The following DLGAP2 variants were observed in gnomAD, a reference collection of about 807,000 sequenced individuals.
The protein encoded by DLGAP2 is disks large-associated protein 2.
Under a neutral mutation model 100.3 loss-of-function variants are expected in DLGAP2, and 26 were observed. That is an observed-to-expected ratio of 0.26 (90% CI 0.19 to 0.36). The LOEUF is 0.36. DLGAP2 is among the 10% of genes least tolerant of loss of function. The pLI is 1.00. For synonymous variants in DLGAP2, 886 were observed against 630.1 expected, an observed-to-expected ratio of 1.41 and a Z score of -6.08; for missense variants, 1,858 against 1,453.2, an observed-to-expected ratio of 1.28 and a Z score of -4.53.
At chr8:1,645,431 G>T (rs554300530) in intron 8 of DLGAP2, among the ~76,000 whole-genome samples, 1 of 152,214 alleles carries the variant, frequency 6.6e-6, no homozygotes, top group Non-Finnish European at 1.5e-5. Context: ...GCTAAGTTAC[G>T]ATGTTTGGTG....
At position 1,147,871 on chromosome 8, in the gene DLGAP2, T is replaced by C. The variant is rs1424735604; in HGVS notation, c.74-110980T>C. Among the ~76,000 whole-genome samples the C allele has an allele frequency of 2.0e-5, 3 of 152,358 alleles. No homozygotes were observed. The South Asian group carries it at 6.2e-4, about 32-fold the overall frequency. Reference sequence around the variant, plus strand: ...CAATAATTTTATAATTTAAAAATTGTTTTAACATGTAATATTTGCTAATGT... The same window carrying C: ...CAATAATTTTATAATTTAAAAATTGCTTTAACATGTAATATTTGCTAATGT... On this transcript the variant is annotated intron_variant, in intron 2 of 14. Coordinates refer to ENST00000637795, the MANE Select transcript of DLGAP2 (RefSeq NM_001346810.2).
chr8:965,818 G>A (rs534775396), intron 2 of DLGAP2, among the ~76,000 whole-genome samples: 17 of 146,364 alleles, frequency 1.2e-4, no homozygotes, highest in East Asian at 1.0e-3. Context: ...TGACCCCTGC[G>A]CTGTACACGG....
intron 6 of DLGAP2, among the ~76,000 whole-genome samples, chr8:1,571,724 C>T (rs1196119168): frequency 1.5e-3 from 96 of 62,332 alleles, no homozygotes; most frequent in East Asian, 4.1e-3. Context: ...ACTGTGGGGG[C>T]GTCTGATGAG....
In DLGAP2 at chr8:825,842, A is replaced by T. The variant is rs145722806; in HGVS notation, c.19-82070A>T. On this transcript the variant is annotated intron_variant, in intron 1 of 14. Coordinates refer to ENST00000637795, the MANE Select transcript of DLGAP2 (RefSeq NM_001346810.2). The stretch of plus-strand genomic sequence containing the variant: ...CAAGCACTTATCTTTACTTTGTGTT[A>T]TACACAATCAATTATACTCTTTTAG... Among the ~76,000 whole-genome samples, 532 of 152,342 alleles carry T rather than the reference A, an allele frequency of 3.5e-3. 3 individuals are homozygous for T. In the East Asian group the frequency reaches 0.039, roughly 11 times the overall value.
intron 1 of DLGAP2, among the ~76,000 whole-genome samples, chr8:877,898 C>G (rs1018524110): frequency 2.0e-5 from 3 of 152,204 alleles, no homozygotes; most frequent in Admixed American, 6.5e-5. Flanking sequence ...GAAGACATCC[C>G]AAGTGGAGTC....
chr8:1,190,903 TATGCACCATGCTTCTCCTATGGAA>T (rs1332886920), intron 2 of DLGAP2, among the ~76,000 whole-genome samples: 2 of 152,056 alleles, frequency 1.3e-5, no homozygotes, highest in Non-Finnish European at 2.9e-5. Context: ...GGGGCGTGTT[TATGCACCATGCTTCTCCTATGGAA>T]GCCGTCCCAT....
At chr8:819,022 T>A (rs1418671368) in intron 1 of DLGAP2, among the ~76,000 whole-genome samples, 1 of 152,248 alleles carries the variant, frequency 6.6e-6, no homozygotes, top group Non-Finnish European at 1.5e-5. Context: ...TTTTAGGAAA[T>A]GATCATTTTA....
chr8:764,136 A>G (rs1173748021), intron 1 of DLGAP2, among the ~76,000 whole-genome samples: 1 of 152,150 alleles, frequency 6.6e-6, no homozygotes, highest in Non-Finnish European at 1.5e-5. Context: ...TGAAGGCATG[A>G]CATGCTGTCT....
chr8:1,548,872 C>A lies in DLGAP2; in HGVS notation c.419C>A (p.Ser140Ter). Residue 140 changes from serine (S) to a stop codon, truncating the protein, a stop_gained, in exon 5 of 15, where the codon TCG becomes TAG. Coordinates refer to ENST00000637795, the MANE Select transcript of DLGAP2 (RefSeq NM_001346810.2). LOFTEE classifies it high-confidence loss of function. ...CGCCACCGCTGCTCGCCGCGCAGCT[C>A]GGTGCACTCGGAGTGCGTGATGATG... Reference protein sequence around the residue: ...GGRHRCSPRSSVHSECVMMPV... With the variant: ...GGRHRCSPRS 6.3e-7 allele frequency: 1 copy of A among 1,592,382 alleles called. No homozygotes were observed. The highest frequency in any genetic ancestry group is 8.5e-7 in the Non-Finnish European group (1 of 1,175,420).
chr8:1,366,691 A>G (rs1450609484), intron 3 of DLGAP2, among the ~76,000 whole-genome samples: 1 of 152,114 alleles, frequency 6.6e-6, no homozygotes, highest in East Asian at 1.9e-4. Flanking sequence ...ACAGGAGGTG[A>G]GCTGGGAAGT....
chr8:1,180,367 T>G (rs186600876), intron 2 of DLGAP2, among the ~76,000 whole-genome samples: 15 of 152,328 alleles, frequency 9.8e-5, no homozygotes, highest in African/African-American at 3.6e-4. Context: ...CTGATTTCTT[T>G]GATTCATTTA....
At chr8:1,695,402 G>A (rs577498039) in intron 13 of DLGAP2, among the ~76,000 whole-genome samples, 7 of 142,452 alleles carry the variant, frequency 4.9e-5, no homozygotes, top group East Asian at 4.0e-4. Flanking sequence ...AGCCTTACCC[G>A]GCCCTACAGA....
chr8:1,494,873 C>T (rs576762030), intron 3 of DLGAP2, among the ~76,000 whole-genome samples: 7 of 152,200 alleles, frequency 4.6e-5, no homozygotes, highest in African/African-American at 1.4e-4. Flanking sequence ...TCTGTGGCGG[C>T]AGAGAACAAA....
intron 4 of DLGAP2, among the ~76,000 whole-genome samples, chr8:1,523,081 C>T (rs1054733961): frequency 2.8e-4 from 42 of 152,184 alleles, no homozygotes; most frequent in African/African-American, 9.4e-4. Context: ...AACCTGCAGA[C>T]GGCACTGCCC....
intron 2 of DLGAP2, among the ~76,000 whole-genome samples, chr8:974,113 G>C (rs963092411): frequency 6.6e-6 from 1 of 152,172 alleles, no homozygotes. Flanking sequence ...TGTAGTAAAA[G>C]TTGATGAGAA....
At chr8:1,264,081 C>G (rs1585205351) in intron 3 of DLGAP2, among the ~76,000 whole-genome samples, 1 of 152,188 alleles carries the variant, frequency 6.6e-6, no homozygotes. Context: ...GAGTTGACCC[C>G]TGTCCCATGC....
chr8:1,127,151 C>T (rs1020488411), intron 2 of DLGAP2, among the ~76,000 whole-genome samples: 3 of 150,086 alleles, frequency 2.0e-5, no homozygotes, highest in Non-Finnish European at 1.5e-5. Context: ...TGAGGGACCC[C>T]ACCCTGTCCC....
intron 2 of DLGAP2, among the ~76,000 whole-genome samples, chr8:1,081,572 A>G (rs1167653216): frequency 1.3e-5 from 2 of 152,152 alleles, no homozygotes; most frequent in Admixed American, 6.6e-5. Context: ...GCTGGTCTTG[A>G]AACCCTGTCC....
chr8:1,078,290 T>C (rs1401705183), intron 2 of DLGAP2, among the ~76,000 whole-genome samples: 3 of 152,210 alleles, frequency 2.0e-5, no homozygotes, highest in Non-Finnish European at 4.4e-5. Context: ...CACAGAAGCA[T>C]TGAGCTGAAA....
Sources: allele counts gnomAD v4.1 joint callset (sites outside exome capture counted in the v4.1 genomes callset), GRCh38; gene constraint gnomAD v4.1.1; transcripts MANE v1.5; gene names NCBI Gene and HGNC (gene_info 2026-07-23, HGNC 2026-07-21).